CREB5: variants seen among roughly 807,000 people sequenced by gnomAD.
The protein encoded by CREB5 is cyclic AMP-responsive element-binding protein 5.
In CREB5, 19 loss-of-function variants were observed where a neutral mutation model predicts 57.1. That is an observed-to-expected ratio of 0.33 (90% CI 0.23 to 0.49). The LOEUF is 0.49. CREB5 is among the 20% of genes least tolerant of loss of function. CREB5 has a pLI of 0.99. For missense variants in CREB5, 579 were observed against 671.6 expected (o/e 0.86, Z 1.52); for synonymous variants, 238 against 238.3 (o/e 1.00, Z 0.01).
intron 8 of CREB5, among the ~76,000 whole-genome samples, chr7:28,807,657 A>G (rs1401999322): frequency 6.6e-6 from 1 of 152,190 alleles, no homozygotes; most frequent in African/African-American, 2.4e-5. Context: ...TAGTGCTGCA[A>G]TGTGGTAGAA....
intron 1 of CREB5, among the ~76,000 whole-genome samples, chr7:28,455,486 A>G (rs534029632): frequency 5.2e-4 from 79 of 152,370 alleles, no homozygotes; most frequent in Non-Finnish European, 1.0e-3. Flanking sequence ...GCGACTAGCT[A>G]TTCGAACAAA....
intron 4 of CREB5, among the ~76,000 whole-genome samples, chr7:28,548,164 T>C (rs925231896): frequency 3.9e-5 from 6 of 152,164 alleles, no homozygotes; most frequent in Non-Finnish European, 7.4e-5. Context: ...TTGATGCTGT[T>C]CTCTTGGTCT....
chr7:28,680,846 T>A (rs1210028206), intron 5 of CREB5, among the ~76,000 whole-genome samples: 1 of 152,016 alleles, frequency 6.6e-6, no homozygotes, highest in Admixed American at 6.6e-5. Context: ...ACTCTAGTCA[T>A]AGAGATTGGT....
At chr7:28,433,624 G>A (rs770990776) in intron 1 of CREB5, among the ~76,000 whole-genome samples, 3 of 151,998 alleles carry the variant, frequency 2.0e-5, no homozygotes, top group Admixed American at 1.3e-4. Context: ...GGCATGTGCC[G>A]CCACACCCGC....
chr7:28,592,975 C>A (rs1796576432), intron 5 of CREB5, among the ~76,000 whole-genome samples: 1 of 152,196 alleles, frequency 6.6e-6, no homozygotes, highest in Non-Finnish European at 1.5e-5. Context: ...ATGGCAAGAC[C>A]AGCATTCAAA....
chr7:28,720,895 A>T (rs1305036700), intron 6 of CREB5, among the ~76,000 whole-genome samples: 1 of 152,198 alleles, frequency 6.6e-6, no homozygotes, highest in Non-Finnish European at 1.5e-5. Flanking sequence ...TTTAAAAAAA[A>T]ATTTGGCTAA....
chr7:28,716,753 T>C lies in CREB5; in HGVS notation c.465-2000T>C, dbSNP rs187179163. Reference sequence around the variant, plus strand: ...CATCCTATACCTATCTGACTCAGTCTATCCACCTGTGAAGGAGACTTTAAG... The same window carrying C: ...CATCCTATACCTATCTGACTCAGTCCATCCACCTGTGAAGGAGACTTTAAG... On this transcript the variant is annotated intron_variant, in intron 5 of 10. Coordinates refer to ENST00000357727, the MANE Select transcript of CREB5 (RefSeq NM_182898.4). Among the ~76,000 whole-genome samples, 167 of 152,362 alleles carry C rather than the reference T, an allele frequency of 1.1e-3. 1 individual carries two copies. The highest frequency in any genetic ancestry group is 6.8e-3 in the Middle Eastern group (2 of 294).
At chr7:28,346,940 A>G (rs749551316) in intron 1 of CREB5, among the ~76,000 whole-genome samples, 1 of 152,166 alleles carries the variant, frequency 6.6e-6, no homozygotes, top group Non-Finnish European at 1.5e-5. Flanking sequence ...TATATTAAGT[A>G]CCACTGGGTT....
chr7:28,709,500 G>A (rs937426542), intron 5 of CREB5, among the ~76,000 whole-genome samples: 5 of 151,924 alleles, frequency 3.3e-5, no homozygotes, highest in African/African-American at 1.2e-4. Context: ...TCATAAATTC[G>A]GATCTCCCCT....
At chr7:28,687,097 C>T (rs990717368) in intron 5 of CREB5, among the ~76,000 whole-genome samples, 2 of 152,096 alleles carry the variant, frequency 1.3e-5, no homozygotes, top group Non-Finnish European at 2.9e-5. Flanking sequence ...GAATATACTG[C>T]AGCTTTTAAA....
At chr7:28,470,031 G>A (rs991922110) in intron 1 of CREB5, among the ~76,000 whole-genome samples, 8 of 152,038 alleles carry the variant, frequency 5.3e-5, no homozygotes, top group Non-Finnish European at 1.2e-4. Flanking sequence ...CATTGAAGAT[G>A]GGGTATCCAT....
At chr7:28,668,527 T>G (rs1489416474) in intron 5 of CREB5, among the ~76,000 whole-genome samples, 1 of 152,208 alleles carries the variant, frequency 6.6e-6, no homozygotes, top group African/African-American at 2.4e-5. Context: ...AATATATGTT[T>G]TCCTGTAAAG....
chr7:28,553,994 A>G (rs1794769058), intron 4 of CREB5, among the ~76,000 whole-genome samples: 1 of 152,158 alleles, frequency 6.6e-6, no homozygotes. Flanking sequence ...ATATCTGCTG[A>G]ACTTGACCCT....
At chr7:28,345,273 C>CTTTTTTTTTTTTTTT (rs58373526) in intron 1 of CREB5, among the ~76,000 whole-genome samples, 1 of 148,558 alleles carries the variant, frequency 6.7e-6, no homozygotes. Flanking sequence ...CAAAACAAGT[C>CTTTTTTTTTTTTTTT]TTTTTTTTTT....
intron 1 of CREB5, among the ~76,000 whole-genome samples, chr7:28,472,504 G>A (rs974847799): frequency 5.3e-5 from 8 of 152,276 alleles, no homozygotes; most frequent in East Asian, 1.9e-4. Context: ...AGTGCTGGCC[G>A]GTGGTGGCTA....
intron 5 of CREB5, among the ~76,000 whole-genome samples, chr7:28,642,973 C>CACACACACAT (rs1721612738): frequency 5.7e-5 from 7 of 122,544 alleles, no homozygotes; most frequent in Admixed American, 1.6e-4. Flanking sequence ...CACACACACA[C>CACACACACAT]ACACACACAC....
At chr7:28,544,956 A>G (rs1794360378) in intron 4 of CREB5, among the ~76,000 whole-genome samples, 1 of 152,190 alleles carries the variant, frequency 6.6e-6, no homozygotes, top group Non-Finnish European at 1.5e-5. Flanking sequence ...CTGACAAATT[A>G]TCATAATGTA....
intron 1 of CREB5, among the ~76,000 whole-genome samples, chr7:28,434,098 C>T (rs77096044): frequency 0.017 from 2,654 of 152,044 alleles, 57 homozygotes; most frequent in Non-Finnish European, 0.021. Flanking sequence ...TTCCTGATTC[C>T]GGCTCAGAGT....
intron 1 of CREB5, among the ~76,000 whole-genome samples, chr7:28,311,006 A>AT (rs2127981439): frequency 6.6e-6 from 1 of 152,182 alleles, no homozygotes; most frequent in South Asian, 2.1e-4. Flanking sequence ...AAGAATAAAT[A>AT]TTTTAGGCCA....
Sources: allele counts gnomAD v4.1 joint callset (sites outside exome capture counted in the v4.1 genomes callset), GRCh38; gene constraint gnomAD v4.1.1; transcripts MANE v1.5; gene names NCBI Gene and HGNC (gene_info 2026-07-23, HGNC 2026-07-21).